Variants in GABRG2 observed in about 807,000 individuals in gnomAD.
The protein encoded by GABRG2 is gamma-aminobutyric acid type A receptor subunit gamma2.
Under a neutral mutation model 56.4 loss-of-function variants are expected in GABRG2, and 16 were observed. The observed-to-expected ratio is 0.28, with a 90% CI of 0.19 to 0.43. The LOEUF is 0.43. Among genes scored for constraint, GABRG2 ranks in the 20% least tolerant of loss-of-function variants. The pLI, the probability that GABRG2 is intolerant of heterozygous loss-of-function variation, is 1.00. For synonymous variants in GABRG2, 208 were observed against 205.5 expected (o/e 1.01, Z -0.10); for missense variants, 327 against 582.7 (o/e 0.56, Z 4.52).
At chr5:162,144,482 C>T (rs911774424) in intron 7 of GABRG2, among the ~76,000 whole-genome samples, 1 of 152,166 alleles carries the variant, frequency 6.6e-6, no homozygotes, top group African/African-American at 2.4e-5. Context: ...GCAAGAGGCC[C>T]TTAAGCAAAT....
intron 7 of GABRG2, among the ~76,000 whole-genome samples, chr5:162,148,689 A>G (rs1268277918): frequency 2.0e-5 from 3 of 152,190 alleles, no homozygotes; most frequent in Non-Finnish European, 4.4e-5. Flanking sequence ...ATAATGATCA[A>G]AAGGTTAGTT....
intron 1 of GABRG2, among the ~76,000 whole-genome samples, chr5:162,070,568 A>T (rs1397172362): frequency 6.6e-6 from 1 of 152,004 alleles, no homozygotes; most frequent in Non-Finnish European, 1.5e-5. Flanking sequence ...TATTTATGTA[A>T]CTCAAAAGAT....
intron 6 of GABRG2, among the ~76,000 whole-genome samples, chr5:162,119,661 C>A (rs981458479): frequency 1.3e-5 from 2 of 152,128 alleles, no homozygotes; most frequent in Admixed American, 1.3e-4. Context: ...ATATGAATCT[C>A]TATGTGCTGA....
At chr5:162,149,606 A>C in intron 8 of GABRG2, 3 of 728,670 alleles carry the variant, frequency 4.1e-6, no homozygotes, top group Non-Finnish European at 7.6e-6. Context: ...TCTTGTTGCT[A>C]TTATTCCAGG....
intron 3 of GABRG2, 95 bp downstream of exon 3, chr5:162,095,657 ATTTAAG>A (rs1581346303): frequency 1.2e-6 from 1 of 854,134 alleles, no homozygotes; most frequent in East Asian, 2.6e-5. Context: ...CCAGCAAAAA[ATTTAAG>A]TTTAAAACTT....
intron 1 of GABRG2, among the ~76,000 whole-genome samples, chr5:162,086,871 C>T (rs180861813): frequency 1.0e-3 from 153 of 151,866 alleles, no homozygotes; most frequent in East Asian, 1.4e-3. Flanking sequence ...CTATTTTTTC[C>T]TGTATGTGAC....
chr5:162,134,529 A>G (rs1763979191), intron 6 of GABRG2, among the ~76,000 whole-genome samples: 1 of 152,174 alleles, frequency 6.6e-6, no homozygotes, highest in Admixed American at 6.6e-5. Context: ...TTCTTACTTT[A>G]CAGATAAAGA....
chr5:162,098,135 CT>C, intron 4 of GABRG2: 3 of 457,950 alleles, frequency 6.6e-6, no homozygotes, highest in Non-Finnish European at 7.9e-6. Context: ...TTTCCTTTGT[CT>C]TGCAAGATCA....
chr5:162,147,102 A>G (rs1317007315), intron 7 of GABRG2, among the ~76,000 whole-genome samples: 4 of 152,164 alleles, frequency 2.6e-5, no homozygotes, highest in African/African-American at 9.7e-5. Flanking sequence ...TTATGAGAGA[A>G]TAAGAGCTTT....
At chr5:162,082,788 A>G (rs1759767684) in intron 1 of GABRG2, among the ~76,000 whole-genome samples, 2 of 149,870 alleles carry the variant, frequency 1.3e-5, no homozygotes, top group African/African-American at 4.8e-5. Flanking sequence ...GGAAGGAGGA[A>G]CAAGAACAGT....
chr5:162,120,544 A>G (rs1391263613), intron 6 of GABRG2, among the ~76,000 whole-genome samples: 4 of 152,116 alleles, frequency 2.6e-5, no homozygotes, highest in Non-Finnish European at 5.9e-5. Flanking sequence ...ATCTTTCAAC[A>G]TAAGATGTAG....
chr5:162,103,713 G>A, intron 5 of GABRG2, 176 bp from the exon 6 acceptor site: 1 of 662,704 alleles, frequency 1.5e-6, no homozygotes. Context: ...CTTCCCATTA[G>A]GATGCAAAGT....
intron 6 of GABRG2, among the ~76,000 whole-genome samples, chr5:162,137,781 A>AT (rs1764242965): frequency 6.6e-6 from 1 of 151,662 alleles, no homozygotes; most frequent in African/African-American, 2.4e-5. Context: ...ACTGGAGTGC[A>AT]GGAGTCTGAG....
At chr5:162,121,872 G>T (rs1233806958) in intron 6 of GABRG2, among the ~76,000 whole-genome samples, 3 of 151,826 alleles carry the variant, frequency 2.0e-5, no homozygotes, top group African/African-American at 7.3e-5. Flanking sequence ...TAAGATCACG[G>T]GATTATCATT....
intron 1 of GABRG2, among the ~76,000 whole-genome samples, chr5:162,077,111 G>GTGTGTGTGTGTGTGT (rs1554096614): frequency 7.4e-6 from 1 of 134,236 alleles, no homozygotes; most frequent in African/African-American, 3.2e-5. Context: ...GTGTGTGTGT[G>GTGTGTGTGTGTGTGT]ATGTTTCTAT....
At position 162,154,580 on chromosome 5, in the gene GABRG2, A is replaced by G. The variant is rs1765590950; in HGVS notation, c.*1212A>G. The G allele has an allele frequency of 6.6e-6, 1 of 152,152 alleles. No individual in the cohort carries two copies. The highest frequency in any genetic ancestry group is 1.5e-5 in the Non-Finnish European group (1 of 68,014). 9.4% of individuals were successfully genotyped at this position (152,152 alleles called of 1,614,324 possible). On this transcript the variant is annotated 3_prime_UTR_variant, in exon 10 of 10. Transcript: ENST00000639213. The stretch of plus-strand genomic sequence containing the variant: ...TATTTATGTTCATCTTCAAAAAATT[A>G]TTTTAGGCAAAGTCCATACTCCTTT...
chr5:162,100,196 T>A (rs1160099273), intron 4 of GABRG2: 1 of 152,102 alleles, frequency 6.6e-6, no homozygotes, highest in African/African-American at 2.4e-5. Context: ...ACCCAGTGCT[T>A]CATAGTTAAT....
chr5:162,122,754 A>G (rs1344687750), intron 6 of GABRG2, among the ~76,000 whole-genome samples: 3 of 151,746 alleles, frequency 2.0e-5, no homozygotes, highest in Non-Finnish European at 3.0e-5. Context: ...TTAAAGAAAA[A>G]TAGTATTCTT....
intron 5 of GABRG2, chr5:162,102,867 T>C (rs1445829936): frequency 5.4e-6 from 1 of 186,822 alleles, no homozygotes; most frequent in Non-Finnish European, 1.1e-5. Flanking sequence ...AAACATATAA[T>C]AGATAAAGCT....
Sources: allele counts gnomAD v4.1 joint callset (sites outside exome capture counted in the v4.1 genomes callset), GRCh38; gene constraint gnomAD v4.1.1; transcripts MANE v1.5; gene names NCBI Gene and HGNC (gene_info 2026-07-23, HGNC 2026-07-21).